Variants in KCNIP4 observed in about 807,000 individuals in gnomAD.
KCNIP4 encodes Kv channel-interacting protein 4.
In KCNIP4, 12 loss-of-function variants were observed where a neutral mutation model predicts 34.0. The ratio of observed to expected loss-of-function variants is 0.35; its 90% CI spans 0.23 to 0.57. The LOEUF (loss-of-function observed/expected upper bound fraction) is 0.57. Among genes scored for constraint, KCNIP4 ranks in the 20% least tolerant of loss-of-function variants. KCNIP4 has a pLI of 0.83. For synonymous variants in KCNIP4, 124 were observed against 102.2 expected, an observed-to-expected ratio of 1.21 and a Z score of -1.29; for missense variants, 238 against 311.7, an observed-to-expected ratio of 0.76 and a Z score of 1.78.
intron 1 of KCNIP4, among the ~76,000 whole-genome samples, chr4:21,019,690 T>C (rs981296515): frequency 2.0e-5 from 3 of 152,180 alleles, no homozygotes; most frequent in African/African-American, 7.2e-5. Flanking sequence ...TACAGTGACA[T>C]ATATAATGCC....
At chr4:20,934,761 A>T (rs1730873703) in intron 1 of KCNIP4, among the ~76,000 whole-genome samples, 1 of 152,224 alleles carries the variant, frequency 6.6e-6, no homozygotes, top group African/African-American at 2.4e-5. Context: ...AGAAAAATAA[A>T]GCAAGGAAGG....
At chr4:21,279,075 A>T (rs1301312844) in intron 1 of KCNIP4, among the ~76,000 whole-genome samples, 1 of 152,218 alleles carries the variant, frequency 6.6e-6, no homozygotes, top group Non-Finnish European at 1.5e-5. Context: ...TGGAAAACTC[A>T]AGGACGATGA....
intron 1 of KCNIP4, among the ~76,000 whole-genome samples, chr4:21,058,870 G>T (rs993463066): frequency 6.6e-6 from 1 of 152,016 alleles, no homozygotes; most frequent in Non-Finnish European, 1.5e-5. Flanking sequence ...AAATGATATT[G>T]TTTGACAGTG....
chr4:21,683,626 G>A (rs1051403439), intron 1 of KCNIP4, among the ~76,000 whole-genome samples: 9 of 151,180 alleles, frequency 6.0e-5, no homozygotes, highest in African/African-American at 1.2e-4. Context: ...CCGCCACCAC[G>A]CCTGGCTAAT....
chr4:20,949,752 G>A (rs1022748702), intron 1 of KCNIP4, among the ~76,000 whole-genome samples: 47 of 150,300 alleles, frequency 3.1e-4, no homozygotes, highest in African/African-American at 9.0e-4. Context: ...GTAAACTATC[G>A]CAATAACAAA....
At chr4:21,238,032 T>C (rs934164492) in intron 1 of KCNIP4, among the ~76,000 whole-genome samples, 7 of 152,138 alleles carry the variant, frequency 4.6e-5, no homozygotes, top group African/African-American at 7.2e-5. Context: ...TTATCCACCA[T>C]GATCAAGTGG....
chr4:21,927,912 C>G (rs566690898), intron 1 of KCNIP4, among the ~76,000 whole-genome samples: 1 of 152,172 alleles, frequency 6.6e-6, no homozygotes, highest in Admixed American at 6.6e-5. Flanking sequence ...ATATAAGGAT[C>G]TAAACCATTT....
At chr4:21,794,131 G>C (rs1001846328) in intron 1 of KCNIP4, among the ~76,000 whole-genome samples, 1 of 152,162 alleles carries the variant, frequency 6.6e-6, no homozygotes, top group Non-Finnish European at 1.5e-5. Context: ...CACGGGGTAG[G>C]GGGAGGGGAG....
At chr4:20,977,611 C>T (rs1203123627) in intron 1 of KCNIP4, among the ~76,000 whole-genome samples, 1 of 152,062 alleles carries the variant, frequency 6.6e-6, no homozygotes, top group African/African-American at 2.4e-5. Context: ...TAATAGTCCC[C>T]AGACTAATCA....
chr4:21,043,488 C>A (rs954152086), intron 1 of KCNIP4, among the ~76,000 whole-genome samples: 5 of 149,272 alleles, frequency 3.3e-5, no homozygotes, highest in African/African-American at 1.2e-4. Flanking sequence ...CACCACCATG[C>A]CCAGCTAATT....
chr4:20,785,828 G>A (rs1294238817), intron 3 of KCNIP4, among the ~76,000 whole-genome samples: 2 of 152,036 alleles, frequency 1.3e-5, no homozygotes, highest in East Asian at 3.9e-4. Flanking sequence ...GACCTTGGTG[G>A]AAGGATCTCC....
At chr4:21,044,648 T>C (rs1742280616) in intron 1 of KCNIP4, among the ~76,000 whole-genome samples, 1 of 152,176 alleles carries the variant, frequency 6.6e-6, no homozygotes, top group African/African-American at 2.4e-5. Flanking sequence ...TGACTCCACA[T>C]GCTTCCAGAG....
At chr4:20,791,878 C>A (rs1011476871) in intron 3 of KCNIP4, among the ~76,000 whole-genome samples, 1 of 152,150 alleles carries the variant, frequency 6.6e-6, no homozygotes. Context: ...ATTGACCTCT[C>A]CTGAGAGAGA....
chr4:20,946,377 G>T (rs1732191314), intron 1 of KCNIP4, among the ~76,000 whole-genome samples: 1 of 152,158 alleles, frequency 6.6e-6, no homozygotes, highest in South Asian at 2.1e-4. Context: ...GAGCTGGGGA[G>T]TTTCGAGAAA....
At chr4:21,747,493 G>A (rs1203424505) in intron 1 of KCNIP4, among the ~76,000 whole-genome samples, 1 of 152,102 alleles carries the variant, frequency 6.6e-6, no homozygotes, top group Non-Finnish European at 1.5e-5. Flanking sequence ...TCTTAGTTCA[G>A]TGCAGGTTAT....
At chr4:21,898,362 G>A (rs978313007) in intron 1 of KCNIP4, among the ~76,000 whole-genome samples, 27 of 152,220 alleles carry the variant, frequency 1.8e-4, no homozygotes, top group African/African-American at 4.8e-4. Context: ...AGCACAGCTC[G>A]CAGTGCCAGC....
Position 21,065,882 on chromosome 4 carries a change from C to G in KCNIP4, c.62-183173G>C, listed in dbSNP as rs538076823. Reference sequence around the variant, plus strand: ...TGTAAATCAGATCTTCCCATCACGACCCCAGAAGAATAATGATTTATTTTA... The same window carrying G: ...TGTAAATCAGATCTTCCCATCACGAGCCCAGAAGAATAATGATTTATTTTA... On this transcript the variant is annotated intron_variant, in intron 1 of 8. Coordinates refer to ENST00000382152, the MANE Select transcript of KCNIP4 (RefSeq NM_025221.6). 1.1e-3 allele frequency among the ~76,000 whole-genome samples: 162 copies of G among 151,180 alleles called. 1 individual carries two copies. The highest frequency in any genetic ancestry group is 6.8e-3 in the Middle Eastern group (2 of 292).
intron 1 of KCNIP4, among the ~76,000 whole-genome samples, chr4:21,074,063 A>T (rs554051407): frequency 3.3e-4 from 50 of 152,258 alleles, no homozygotes; most frequent in African/African-American, 1.2e-3. Flanking sequence ...GGATTTTTGC[A>T]TCAGTGTTCA....
chr4:20,859,532 A>C (rs536925146), intron 2 of KCNIP4, among the ~76,000 whole-genome samples: 7 of 152,286 alleles, frequency 4.6e-5, no homozygotes, highest in African/African-American at 1.7e-4. Context: ...TTTGTTCTTT[A>C]GATTTCAGTC....
Sources: gnomAD v4.1 joint callset for allele counts (sites outside exome capture counted in the v4.1 genomes callset) on GRCh38, gnomAD v4.1.1 for gene constraint, MANE v1.5 for transcripts, NCBI Gene and HGNC (gene_info 2026-07-23, HGNC 2026-07-21) for gene names.